The following CHST9 variants were observed in gnomAD, a reference collection of about 807,000 sequenced individuals.
CHST9 encodes the protein GalNAc-4-sulfotransferase 2.
A neutral mutation model predicts 44.4 loss-of-function variants in CHST9; 41 were observed. The ratio of observed to expected loss-of-function variants is 0.92; its 90% CI spans 0.72 to 1.20. CHST9 has a LOEUF of 1.20. Ranked by LOEUF, CHST9 falls within the 50% of genes most tolerant of loss-of-function variation. CHST9 has a pLI of 0.00. For synonymous variants in CHST9, 171 were observed against 178.4 expected (o/e 0.96, Z 0.33); for missense variants, 504 against 516.5 (o/e 0.98, Z 0.23).
At chr18:26,998,739 CAA>C (rs11480705) in intron 4 of CHST9, among the ~76,000 whole-genome samples, 22 of 114,090 alleles carry the variant, frequency 1.9e-4, no homozygotes, top group Non-Finnish European at 2.1e-4. Flanking sequence ...ACAACAACAA[CAA>C]AAAAAAAAAA....
chr18:27,040,059 G>T (rs941708626), intron 3 of CHST9, among the ~76,000 whole-genome samples: 1 of 152,096 alleles, frequency 6.6e-6, no homozygotes, highest in Non-Finnish European at 1.5e-5. Context: ...GACAAGTACA[G>T]ATTGTTTCTA....
rs185694051 is a variant in CHST9 at position 27,041,650 on chromosome 18, A to G, written c.160+6815T>C. 2.0e-5 allele frequency among the ~76,000 whole-genome samples: 3 copies of G among 152,152 alleles called. No homozygotes were observed. The East Asian group carries it at 5.8e-4, about 29-fold the overall frequency. ...TTTGACTATGTGGTGTGACATGGCAATTTCTCCTTCATTAGCTACTTAGCA... is the reference window on the plus strand; with the variant it reads ...TTTGACTATGTGGTGTGACATGGCAGTTTCTCCTTCATTAGCTACTTAGCA... On this transcript the variant is annotated intron_variant, in intron 3 of 5. Coordinates refer to ENST00000618847, the MANE Select transcript of CHST9 (RefSeq NM_031422.6).
chr18:27,146,138 C>T (rs1598756062), intron 1 of CHST9, among the ~76,000 whole-genome samples: 1 of 152,220 alleles, frequency 6.6e-6, no homozygotes, highest in African/African-American at 2.4e-5. Flanking sequence ...GAGTACTCCT[C>T]GGGGGTTTGC....
At chr18:27,103,896 T>C (rs28713375) in intron 2 of CHST9, among the ~76,000 whole-genome samples, 1,590 of 152,326 alleles carry the variant, frequency 0.01, 24 homozygotes, top group African/African-American at 0.034. Flanking sequence ...TTCATTACCC[T>C]GAAGTCCCTG....
intron 4 of CHST9, among the ~76,000 whole-genome samples, chr18:27,003,438 T>C (rs2056976400): frequency 6.6e-6 from 1 of 152,266 alleles, no homozygotes; most frequent in East Asian, 1.9e-4. Flanking sequence ...TTGTTTCAAT[T>C]TACAGGATGA....
At chr18:27,065,327 T>A (rs1030856524) in intron 2 of CHST9, among the ~76,000 whole-genome samples, 1 of 152,172 alleles carries the variant, frequency 6.6e-6, no homozygotes, top group Non-Finnish European at 1.5e-5. Context: ...TGCAAATAGA[T>A]AGTATTAAAA....
At chr18:27,119,163 C>G (rs2058353963) in intron 2 of CHST9, among the ~76,000 whole-genome samples, 1 of 152,062 alleles carries the variant, frequency 6.6e-6, no homozygotes, top group Non-Finnish European at 1.5e-5. Flanking sequence ...TCCCCTTTGG[C>G]CCAGCATTTT....
At chr18:27,163,598 T>C (rs1376655980) in intron 1 of CHST9, among the ~76,000 whole-genome samples, 1 of 152,162 alleles carries the variant, frequency 6.6e-6, no homozygotes, top group Non-Finnish European at 1.5e-5. Flanking sequence ...TCCGTGGGCG[T>C]AGGACCCTCC....
intron 2 of CHST9, among the ~76,000 whole-genome samples, chr18:27,110,547 A>T (rs1315138927): frequency 1.3e-5 from 2 of 152,146 alleles, no homozygotes; most frequent in Non-Finnish European, 2.9e-5. Flanking sequence ...GGTAGGGCTT[A>T]CTTTACAAAG....
At chr18:26,945,669 G>GT (rs1329530949) in intron 4 of CHST9, among the ~76,000 whole-genome samples, 1 of 152,112 alleles carries the variant, frequency 6.6e-6, no homozygotes, top group Non-Finnish European at 1.5e-5. Context: ...TTTACTCGTT[G>GT]AAGGATATCT....
At chr18:27,106,027 C>T (rs534927787) in intron 2 of CHST9, among the ~76,000 whole-genome samples, 4 of 152,026 alleles carry the variant, frequency 2.6e-5, no homozygotes, top group South Asian at 2.1e-4. Flanking sequence ...ATTTTACTCA[C>T]GAAACTAAAA....
chr18:27,182,404 A>G (rs1424813587), intron 1 of CHST9, among the ~76,000 whole-genome samples: 2 of 152,324 alleles, frequency 1.3e-5, no homozygotes, highest in East Asian at 1.9e-4. Context: ...ATAATGGCCC[A>G]CTTTTTCTTG....
chr18:26,934,951 T>A (rs1598572507), intron 5 of CHST9: 1 of 152,326 alleles, frequency 6.6e-6, no homozygotes, highest in South Asian at 2.1e-4. Flanking sequence ...TTTTTAGTTT[T>A]CTCTTTCAAG....
At chr18:27,094,266 G>T (rs1453555776) in intron 2 of CHST9, among the ~76,000 whole-genome samples, 1 of 152,034 alleles carries the variant, frequency 6.6e-6, no homozygotes, top group Non-Finnish European at 1.5e-5. Context: ...TGTGGAATGG[G>T]ACAAAATTAT....
At chr18:27,089,408 T>C (rs1331093022) in intron 2 of CHST9, among the ~76,000 whole-genome samples, 1 of 151,914 alleles carries the variant, frequency 6.6e-6, no homozygotes, top group Non-Finnish European at 1.5e-5. Flanking sequence ...GTCCTTGTGA[T>C]AGTTTGTGGA....
At chr18:27,158,924 T>G (rs2058721159) in intron 1 of CHST9, among the ~76,000 whole-genome samples, 1 of 152,274 alleles carries the variant, frequency 6.6e-6, no homozygotes, top group South Asian at 2.1e-4. Flanking sequence ...TGTCTGTCTG[T>G]TCATATCCTT....
At chr18:27,085,613 A>T (rs2058005031) in intron 2 of CHST9, among the ~76,000 whole-genome samples, 1 of 152,074 alleles carries the variant, frequency 6.6e-6, no homozygotes, top group African/African-American at 2.4e-5. Flanking sequence ...AAAAAATCTA[A>T]AAACAACAGA....
intron 1 of CHST9, among the ~76,000 whole-genome samples, chr18:27,158,874 C>G (rs1430597873): frequency 6.6e-6 from 1 of 152,196 alleles, no homozygotes; most frequent in African/African-American, 2.4e-5. Context: ...AGCATTTTTT[C>G]ATGTGTCTTT....
At chr18:26,922,039 C>A (rs1220413667) in intron 5 of CHST9, among the ~76,000 whole-genome samples, 1 of 152,160 alleles carries the variant, frequency 6.6e-6, no homozygotes, top group African/African-American at 2.4e-5. Context: ...TATTCTTCCC[C>A]AAACATTTTG....
Sources: allele counts gnomAD v4.1 joint callset (sites outside exome capture counted in the v4.1 genomes callset), GRCh38; gene constraint gnomAD v4.1.1; transcripts MANE v1.5; gene names NCBI Gene and HGNC (gene_info 2026-07-23, HGNC 2026-07-21).